The following RFC5 variants were observed in gnomAD, a reference collection of about 807,000 sequenced individuals.
The protein encoded by RFC5 is replication factor C subunit 5.
Under a neutral mutation model 44.3 loss-of-function variants are expected in RFC5, and 26 were observed. The ratio of observed to expected loss-of-function variants is 0.59; its 90% CI spans 0.43 to 0.81. The LOEUF (loss-of-function observed/expected upper bound fraction) is 0.81. Ranked by LOEUF, RFC5 falls within the 40% of genes least tolerant of loss-of-function variation. The pLI, the probability that RFC5 is intolerant of heterozygous loss-of-function variation, is 0.00. For missense variants in RFC5, 328 were observed against 418.6 expected, an observed-to-expected ratio of 0.78 and a Z score of 1.89; for synonymous variants, 155 against 155.2, an observed-to-expected ratio of 1.00 and a Z score of 0.01.
Position 118,026,927 on chromosome 12 carries a change from T to C in RFC5, c.702T>C (p.Thr234=), listed in dbSNP as rs761103469. 8.4e-5 allele frequency: 136 copies of C among 1,613,946 alleles called. No individual in the cohort carries two copies. In the South Asian group the frequency reaches 1.5e-3, roughly 17 times the overall value. Residue 234 remains threonine, a synonymous_variant, in exon 8 of 11, where the codon ACT becomes ACC. Coordinates refer to ENST00000454402, the MANE Select transcript of RFC5 (RefSeq NM_007370.7). ...CCTTTGGGAAGGTGACAGAGGAGAC[T>C]GTCTACACCTGCACCGGGCACCCGC... ...NMAFGKVTEE[T]VYTCTGHPLK...
chr12:118,034,476 G>T, downstream of RFC5: 1 of 1,225,138 alleles, frequency 8.2e-7, no homozygotes, highest in Non-Finnish European at 1.1e-6. Flanking sequence ...AGAGTGAAAT[G>T]TAACCCTGAC....
At chr12:118,028,208 G>A (rs2031081536) in intron 9 of RFC5, among the ~76,000 whole-genome samples, 178 bp downstream of exon 9, 1 of 152,196 alleles carries the variant, frequency 6.6e-6, no homozygotes, top group East Asian at 1.9e-4. Context: ...CCAGAGCTGG[G>A]TACGGTGGCT....
downstream of RFC5, chr12:118,033,626 A>T (rs1424018250): frequency 6.6e-6 from 1 of 152,102 alleles, no homozygotes; most frequent in African/African-American, 2.4e-5. Flanking sequence ...AATTTAGTTA[A>T]GCTAAATTAA....
chr12:118,023,178 A>G (rs972623804), intron 5 of RFC5, among the ~76,000 whole-genome samples: 4 of 151,714 alleles, frequency 2.6e-5, no homozygotes, highest in Admixed American at 1.3e-4. Context: ...GAGAGCTGAT[A>G]TTACTTCACT....
chr12:118,031,259 T>G lies in RFC5; in HGVS notation c.1004T>G (p.Leu335Arg). Residue 335 changes from leucine to arginine, a missense_variant, in exon 11 of 11, where the codon CTG (leucine) becomes CGG (arginine). By Grantham distance (102) the Leu-to-Arg change is moderately radical (BLOSUM62 -2). Transcript: ENST00000454402. ...GCTGCATTTCAAGTCACCAGAGACC[T>G]GATTGTTGCAGAGGCCTAGATGCTC... Reference protein sequence around the residue: ...LIAAFQVTRDLIVAEA With the variant: ...LIAAFQVTRDRIVAEA 1 of 1,612,806 alleles carries G rather than the reference T, an allele frequency of 6.2e-7. No individual in the cohort carries two copies. The highest frequency in any genetic ancestry group is 8.5e-7 in the Non-Finnish European group (1 of 1,178,884).
At chr12:118,038,445 A>G in the RFC5 span, 1 of 1,530,448 alleles carries the variant, frequency 6.5e-7, no homozygotes, top group Non-Finnish European at 9.0e-7. Flanking sequence ...GGAAGACTGG[A>G]GAACGGGAGA....
downstream of RFC5, chr12:118,036,340 G>C: frequency 1.2e-6 from 2 of 1,613,832 alleles, no homozygotes; most frequent in Non-Finnish European, 1.7e-6. Flanking sequence ...GTCCTTACTG[G>C]AGTGACCTCA....
intron 5 of RFC5, among the ~76,000 whole-genome samples, chr12:118,024,315 T>C (rs1156670413): frequency 1.3e-5 from 2 of 149,226 alleles, no homozygotes; most frequent in African/African-American, 2.5e-5. Flanking sequence ...CACTCCAGCC[T>C]GGGCAACAGA....
At chr12:118,041,253 C>G in the RFC5 span, among the ~76,000 whole-genome samples, 2 of 152,002 alleles carry the variant, frequency 1.3e-5, no homozygotes, top group Non-Finnish European at 2.9e-5. Context: ...GAGGGTGAAG[C>G]CTCAGGAATG....
chr12:118,016,998 C>G, intron 1 of RFC5, 106 bp downstream of exon 1: 1 of 886,338 alleles, frequency 1.1e-6, no homozygotes. Flanking sequence ...GACCTCTTCC[C>G]GTCGTCTCCA....
At chr12:118,021,077 TG>T (rs1330501243) in intron 4 of RFC5, 92 bp downstream of exon 4, 7 of 703,546 alleles carry the variant, frequency 9.9e-6, no homozygotes, top group Non-Finnish European at 1.7e-5. Context: ...CCAGTTTATA[TG>T]GGTTGAAAAA....
At chr12:118,020,184 G>T (rs914632300) in intron 3 of RFC5, among the ~76,000 whole-genome samples, 3 of 152,178 alleles carry the variant, frequency 2.0e-5, no homozygotes, top group Non-Finnish European at 2.9e-5. Flanking sequence ...TGGCAGGGGT[G>T]GGGGAAGGAA....
rs139634196 is a variant in RFC5, at chr12:118,020,872, G to C, written c.268-34G>C. 3 of 1,427,830 alleles carry C rather than the reference G, an allele frequency of 2.1e-6. No individual in the cohort carries two copies. In the South Asian group the frequency reaches 3.5e-5, roughly 16 times the overall value. The allele number at this position is 1,427,830 out of a possible 1,614,324, so 88.4% of individuals were successfully genotyped here. The stretch of plus-strand genomic sequence containing the variant: ...GAACTCACAGATAGCACAGCAACAT[G>C]GTTTTTGTTTTGTCTTCTGTCTTCC... On this transcript the variant is annotated intron_variant, in intron 3 of 10. Coordinates refer to ENST00000454402, the MANE Select transcript of RFC5 (RefSeq NM_007370.7).
Position 118,024,898 on chromosome 12 carries a change from T to C in RFC5, c.469T>C (p.Tyr157His). The C allele has an allele frequency of 6.2e-7, 1 of 1,613,750 alleles. No homozygotes were observed. The highest frequency in any genetic ancestry group is 8.5e-7 in the Non-Finnish European group (1 of 1,179,700). Reference protein sequence around the residue: ...ENTRFCLICNYLSKIIPALQS... With the variant: ...ENTRFCLICNHLSKIIPALQS... The stretch of plus-strand genomic sequence containing the variant: ...TACCAGATTCTGCCTCATCTGTAAC[T>C]ATCTGTCAAAGATCATCCCTGCCTT... Residue 157 changes from tyrosine (Y) to histidine (H), a missense_variant, in exon 6 of 11, where the codon TAT becomes CAT. Physicochemically the swap from Tyr to His is moderately conservative, Grantham distance 83. Coordinates refer to ENST00000454402, the MANE Select transcript of RFC5 (RefSeq NM_007370.7).
chr12:118,018,108 A>G, intron 1 of RFC5: 1 of 670,816 alleles, frequency 1.5e-6, no homozygotes. Flanking sequence ...TTCACTCAGG[A>G]TCATGTTTTC....
downstream of RFC5, chr12:118,033,854 G>A (rs2031436272): frequency 3.5e-6 from 1 of 283,498 alleles, no homozygotes; most frequent in Non-Finnish European, 6.9e-6. Flanking sequence ...AGAGGCTCTG[G>A]AGGCCTACTT....
chr12:118,029,377 C>G (rs966226554), intron 9 of RFC5, among the ~76,000 whole-genome samples: 1 of 152,196 alleles, frequency 6.6e-6, no homozygotes, highest in Admixed American at 6.5e-5. Context: ...ATGATCACGC[C>G]ATGCCATGGC....
At chr12:118,022,406 AG>A (rs1018815993) in intron 5 of RFC5, 47 bp downstream of exon 5, 1 of 1,238,968 alleles carries the variant, frequency 8.1e-7, no homozygotes, top group Non-Finnish European at 1.2e-6. Flanking sequence ...GCACACTGGA[AG>A]GAGAATTAGG....
Position 118,031,247 on chromosome 12 carries a change from T to A in RFC5, c.992T>A (p.Val331Asp). 3 of 1,613,604 alleles carry A rather than the reference T, an allele frequency of 1.9e-6. No homozygotes were observed. The highest frequency in any genetic ancestry group is 1.7e-6 in the Non-Finnish European group (2 of 1,179,700). ...AGCTCCCTCATTGCTGCATTTCAAG[T>A]CACCAGAGACCTGATTGTTGCAGAG... ...QLSSLIAAFQ[V>D]TRDLIVAEA The change falls in exon 11 of 11, where the codon GTC becomes GAC. Residue 331 changes from valine (V) to aspartate (D), a missense_variant. Physicochemically the swap from Val to Asp is radical, Grantham distance 152. Coordinates refer to ENST00000454402, the MANE Select transcript of RFC5 (RefSeq NM_007370.7).
Sources: allele counts gnomAD v4.1 joint callset (sites outside exome capture counted in the v4.1 genomes callset), GRCh38; gene constraint gnomAD v4.1.1; transcripts MANE v1.5; gene names NCBI Gene and HGNC (gene_info 2026-07-23, HGNC 2026-07-21).